The following DNAI3 variants were observed in gnomAD, a reference collection of about 807,000 sequenced individuals.
DNAI3 encodes the protein dynein axonemal intermediate chain 3.
DNAI3 carries 83 observed loss-of-function variants against 115.5 expected under a neutral mutation model. The ratio of observed to expected loss-of-function variants is 0.72; its 90% CI spans 0.60 to 0.86. The LOEUF is 0.86. DNAI3 is among the 40% of genes least tolerant of loss of function. The pLI is 0.00. For synonymous variants in DNAI3, 320 were observed against 347.0 expected, an observed-to-expected ratio of 0.92 and a Z score of 0.86; for missense variants, 1,004 against 1,075.8, an observed-to-expected ratio of 0.93 and a Z score of 0.93.
rs1655071099 is a variant in DNAI3 at position 85,094,476 on chromosome 1, G to C, written c.1094G>C (p.Arg365Thr). Residue 365 changes from arginine (R) to threonine (T), a missense_variant, in exon 10 of 23, where the codon AGA becomes ACA. Arg to Thr is a moderately conservative substitution (Grantham distance 71, BLOSUM62 -1). Coordinates refer to ENST00000294664, the MANE Select transcript of DNAI3 (RefSeq NM_145172.5). ...GCCGTGCGACTTTCTTTTGAAGACAGAGTTCACTTTTCTGGTAAATTATTG... is the reference window on the plus strand; with the variant it reads ...GCCGTGCGACTTTCTTTTGAAGACACAGTTCACTTTTCTGGTAAATTATTG... The part of the protein sequence containing the change: ...SVAVRLSFED[R>T]VHFSGKLLLQ... 6.2e-7 allele frequency: 1 copy of C among 1,614,036 alleles called. No homozygotes were observed. Among genetic ancestry groups the C allele is most frequent in the African/African-American group, 1.3e-5 (1 of 74,930 alleles).
At chr1:85,129,087 G>A (rs1442476571) in intron 21 of DNAI3, among the ~76,000 whole-genome samples, 1 of 152,052 alleles carries the variant, frequency 6.6e-6, no homozygotes, top group Non-Finnish European at 1.5e-5. Flanking sequence ...CATTGTAACC[G>A]AAGTGTGGGG....
chr1:85,089,141 ACT>A (rs1654887976), intron 7 of DNAI3, among the ~76,000 whole-genome samples: 1 of 152,132 alleles, frequency 6.6e-6, no homozygotes, highest in Non-Finnish European at 1.5e-5. Flanking sequence ...TGTGCTAGGC[ACT>A]GTTTTTAAAG....
chr1:85,091,249 T>C (rs1654964047), intron 8 of DNAI3, among the ~76,000 whole-genome samples: 1 of 152,204 alleles, frequency 6.6e-6, no homozygotes, highest in Non-Finnish European at 1.5e-5. Flanking sequence ...TTTGTTTACA[T>C]ATAATCAATA....
chr1:85,106,748 A>AT (rs1179175699), intron 14 of DNAI3, among the ~76,000 whole-genome samples: 1 of 152,206 alleles, frequency 6.6e-6, no homozygotes, highest in Non-Finnish European at 1.5e-5. Flanking sequence ...TGGCCAACTG[A>AT]TTTTCAACAA....
intron 3 of DNAI3, among the ~76,000 whole-genome samples, chr1:85,073,899 G>C (rs959141108): frequency 2.6e-5 from 4 of 152,146 alleles, no homozygotes; most frequent in South Asian, 2.1e-4. Context: ...CAGGGCAGTA[G>C]AGGGGGCAGA....
intron 11 of DNAI3, among the ~76,000 whole-genome samples, chr1:85,096,357 A>C (rs1224771865): frequency 6.6e-6 from 1 of 151,954 alleles, no homozygotes; most frequent in African/African-American, 2.4e-5. Flanking sequence ...CCTCTTCTGA[A>C]ATTTCCTTGG....
intron 15 of DNAI3, 106 bp downstream of exon 15, chr1:85,108,283 G>A: frequency 8.2e-7 from 1 of 1,221,390 alleles, no homozygotes; most frequent in South Asian, 2.3e-5. Flanking sequence ...GAGCAGCTCA[G>A]ATTAACACAA....
At chr1:85,098,359 A>G (rs1422889694) in intron 12 of DNAI3, among the ~76,000 whole-genome samples, 171 bp from the exon 13 acceptor site, 1 of 152,232 alleles carries the variant, frequency 6.6e-6, no homozygotes, top group East Asian at 1.9e-4. Context: ...TGAAGGGAAA[A>G]GTAGATAATC....
intron 12 of DNAI3, 104 bp from the exon 13 acceptor site, chr1:85,098,426 G>A (rs1317104190): frequency 6.7e-6 from 9 of 1,349,322 alleles, no homozygotes; most frequent in Non-Finnish European, 9.1e-6. Flanking sequence ...CCTTGAACTG[G>A]TATATCTCTA....
chr1:85,091,758 TA>T (rs1654982218), intron 8 of DNAI3, among the ~76,000 whole-genome samples: 1 of 152,174 alleles, frequency 6.6e-6, no homozygotes, highest in South Asian at 2.1e-4. Context: ...CTTTCGGGGT[TA>T]AAATTCCTAG....
At chr1:85,121,424 C>G (rs1026467) in intron 17 of DNAI3, among the ~76,000 whole-genome samples, 110,660 of 152,120 alleles carry the variant, frequency 0.73, 40,719 homozygotes, top group South Asian at 0.89. Context: ...AATAAGATGG[C>G]CTGATCCCTC....
chr1:85,126,067 A>C (rs1656124809), intron 19 of DNAI3, among the ~76,000 whole-genome samples: 1 of 152,196 alleles, frequency 6.6e-6, no homozygotes. Context: ...CACAGCTGGA[A>C]CTGGCAGACT....
chr1:85,095,381 A>G (rs1175930402), intron 10 of DNAI3, among the ~76,000 whole-genome samples: 2 of 152,066 alleles, frequency 1.3e-5, no homozygotes, highest in Non-Finnish European at 2.9e-5. Context: ...TTTTACTGTA[A>G]TAGATTCTAG....
rs915467396 is a variant in DNAI3, at chr1:85,093,458, T to C, written c.858T>C (p.Ser286=). The change falls in exon 9 of 23, where the codon AGT becomes AGC. Residue 286 remains serine (S), a splice_region_variant and synonymous_variant. Transcript: ENST00000294664. ...LVDFLNNASI[S]VEIALQQNEI... Reference sequence around the variant, plus strand: ...TGCTTTTTTTATTTTTACAAATTAGTGTTGAAATAGCCCTGCAGCAAAATG... The same window carrying C: ...TGCTTTTTTTATTTTTACAAATTAGCGTTGAAATAGCCCTGCAGCAAAATG... 1.6e-5 allele frequency: 26 copies of C among 1,612,498 alleles called. No homozygotes were observed. The highest frequency in any genetic ancestry group is 2.0e-5 in the Non-Finnish European group (24 of 1,179,462).
intron 20 of DNAI3, among the ~76,000 whole-genome samples, 192 bp downstream of exon 20, chr1:85,126,907 TTC>T (rs2100616968): frequency 6.6e-6 from 1 of 152,240 alleles, no homozygotes; most frequent in African/African-American, 2.4e-5. Flanking sequence ...ATCTTTCCTC[TTC>T]CTTTTCCTTC....
At chr1:85,093,255 G>A (rs6660050) in intron 8 of DNAI3, among the ~76,000 whole-genome samples, 53,223 of 152,086 alleles carry the variant, frequency 0.35, 9,542 homozygotes, top group South Asian at 0.43. Context: ...GAAGTTGCTC[G>A]AGGTTCTGAG....
At chr1:85,099,035 C>G (rs916787643) in intron 13 of DNAI3, among the ~76,000 whole-genome samples, 4 of 152,190 alleles carry the variant, frequency 2.6e-5, no homozygotes, top group Non-Finnish European at 5.9e-5. Context: ...CTGTGGCATA[C>G]CATGTAATTT....
chr1:85,115,992 C>T (rs1160064077), intron 16 of DNAI3, among the ~76,000 whole-genome samples: 1 of 152,150 alleles, frequency 6.6e-6, no homozygotes, highest in African/African-American at 2.4e-5. Context: ...TTTCTTGGAG[C>T]GCACACTTCT....
chr1:85,111,733 T>C (rs1655667450), intron 16 of DNAI3, among the ~76,000 whole-genome samples: 1 of 152,214 alleles, frequency 6.6e-6, no homozygotes, highest in Admixed American at 6.5e-5. Flanking sequence ...ATAGGAAGGA[T>C]ATCAGTATCT....
Sources: allele counts gnomAD v4.1 joint callset (sites outside exome capture counted in the v4.1 genomes callset), GRCh38; gene constraint gnomAD v4.1.1; transcripts MANE v1.5; gene names NCBI Gene and HGNC (gene_info 2026-07-23, HGNC 2026-07-21).